The following ATP2A1 variants were observed in gnomAD, a reference collection of about 807,000 sequenced individuals.
ATP2A1 encodes sarcoplasmic/endoplasmic reticulum calcium ATPase 1.
A neutral mutation model predicts 109.5 loss-of-function variants in ATP2A1; 83 were observed. The observed-to-expected ratio is 0.76, with a 90% confidence interval of 0.63 to 0.91. ATP2A1 has a LOEUF of 0.91. ATP2A1 is among the 40% of genes least tolerant of loss of function. The pLI is 0.00. For missense variants in ATP2A1, 1,101 were observed against 1,341.0 expected (o/e 0.82, Z 2.80); for synonymous variants, 505 against 537.6 (o/e 0.94, Z 0.84).
chr16:28,900,839 T>C lies in ATP2A1; in HGVS notation c.2023T>C (p.Cys675Arg), dbSNP rs1351602310. 6.2e-7 allele frequency: 1 copy of C among 1,614,218 alleles called. No homozygotes were observed. The highest frequency in any genetic ancestry group is 1.1e-5 in the South Asian group (1 of 91,088). ...GCGGGAAGCCTGCCGACGTGCCTGCTGCTTCGCCCGTGTGGAGCCCTCGCA... is the reference window on the plus strand; with the variant it reads ...GCGGGAAGCCTGCCGACGTGCCTGCCGCTTCGCCCGTGTGGAGCCCTCGCA... The part of the protein sequence containing the change: ...EQREACRRAC[C>R]FARVEPSHKS... Residue 675 changes from cysteine to arginine, a missense_variant, in exon 15 of 23, where the codon TGC becomes CGC. By Grantham distance (180) the Cys-to-Arg change is radical (BLOSUM62 -3). Transcript: ENST00000395503.
chr16:28,897,761 C>A (rs1350779925), intron 12 of ATP2A1, among the ~76,000 whole-genome samples: 2 of 152,152 alleles, frequency 1.3e-5, no homozygotes, highest in African/African-American at 4.8e-5. Context: ...TGAGCCACCG[C>A]GCCTGGCCAA....
At position 28,884,415 on chromosome 16, in the gene ATP2A1, C is replaced by G. The variant is rs376961231; in HGVS notation, c.464-160C>G. Among the ~76,000 whole-genome samples, 5 of 152,272 alleles carry G rather than the reference C, an allele frequency of 3.3e-5. 1 individual carries two copies. Among genetic ancestry groups the G allele is most frequent in the Admixed American group, 6.5e-5 (1 of 15,302 alleles). On this transcript the variant is annotated intron_variant, in intron 5 of 22. Transcript: ENST00000395503. ...GGGTGTCACGATGAGGGGTTGCCAG[C>G]TTCAGGAGCTCAAGCCAAGGGCCTG...
At position 28,903,312 on chromosome 16, in the gene ATP2A1, C is replaced by T. The variant is rs1339999177; in HGVS notation, c.2863-11C>T. On this transcript the variant is annotated splice_polypyrimidine_tract_variant and intron_variant, in intron 20 of 22. Coordinates refer to ENST00000395503, the MANE Select transcript of ATP2A1 (RefSeq NM_004320.6). This position sits in a 1 kb window ranked among gnomAD's most constrained non-coding sequence, Gnocchi z 5.6. ...ACCCCCTCCTGAGAGGGCGCTTGTC[C>T]CCTGCCCCAGATGATCTTCAAGCTC... 15 of 1,610,260 alleles carry T rather than the reference C, an allele frequency of 9.3e-6. No individual in the cohort carries two copies. The highest frequency in any genetic ancestry group is 1.3e-5 in the Non-Finnish European group (15 of 1,176,820).
rs757196281 is a variant in ATP2A1, at chr16:28,894,276, TCACGCCCCTTCCCA to T, written c.1184+37_1184+50del. ...ACCCAGGCATCTTCTCCCCAGCTCC[TCACGCCCCTTCCCA>T]CACCCCCTTTCTCCCTGGGGCCCTC... On this transcript the variant is annotated intron_variant, in intron 10 of 22. Coordinates refer to ENST00000395503, the MANE Select transcript of ATP2A1 (RefSeq NM_004320.6). 3 of 1,592,700 alleles carry T rather than the reference TCACGCCCCTTCCCA, an allele frequency of 1.9e-6. No individual in the cohort carries two copies. The East Asian group carries it at 6.7e-5, about 36-fold the overall frequency.
Position 28,902,976 on chromosome 16 carries a change from C to T in ATP2A1, c.2745-54C>T, listed in dbSNP as rs1443111817. On this transcript the variant is annotated intron_variant, in intron 19 of 22. Transcript: ENST00000395503. This position sits in a 1 kb window ranked among gnomAD's most constrained non-coding sequence, Gnocchi z 4.8. ...GCCACTGCCCACATCCTCCACTGTG[C>T]CGCCCACCTCCTTCCTCCTCACTGT... The T allele has an allele frequency of 1.2e-6, 2 of 1,613,224 alleles. No homozygotes were observed. Among genetic ancestry groups the T allele is most frequent in the East Asian group, 2.2e-5 (1 of 44,880 alleles).
chr16:28,893,968 G>A (rs1963846554), intron 9 of ATP2A1, among the ~76,000 whole-genome samples, 187 bp from the exon 10 acceptor site: 1 of 152,050 alleles, frequency 6.6e-6, no homozygotes, highest in South Asian at 2.1e-4. Flanking sequence ...TTTTAAGGCT[G>A]TTGATAGAGA....
rs555685385 is a variant in ATP2A1 at position 28,888,977 on chromosome 16, G to A, written c.1095+24G>A. 112 of 1,613,458 alleles carry A rather than the reference G, an allele frequency of 6.9e-5. 1 individual carries two copies. The South Asian group carries it at 8.2e-4, about 12-fold the overall frequency. On this transcript the variant is annotated intron_variant, in intron 9 of 22. Coordinates refer to ENST00000395503, the MANE Select transcript of ATP2A1 (RefSeq NM_004320.6). ...AGGTCAGGAGCAGTGTGGGCAGCGC[G>A]CTCAGTCAGAAGGCTGCCTGTGGGG... is the stretch of plus-strand genomic sequence containing the variant.
intron 14 of ATP2A1, 65 bp from the exon 15 acceptor site, chr16:28,900,516 A>G (rs1964041615): frequency 1.9e-6 from 2 of 1,027,466 alleles, no homozygotes; most frequent in Non-Finnish European, 2.5e-6. Flanking sequence ...ACCCCCCACC[A>G]GCTTCCTCCA....
In ATP2A1 at chr16:28,904,269, A is replaced by T; in HGVS notation, c.*127A>T. ...ACATCTTCAGGCAGAGCTGTGGCACAGACCCCCGTCCTGTCCCCCACACCC... is the reference window on the plus strand; with the variant it reads ...ACATCTTCAGGCAGAGCTGTGGCACTGACCCCCGTCCTGTCCCCCACACCC... On this transcript the variant is annotated 3_prime_UTR_variant, in exon 23 of 23. Coordinates refer to ENST00000395503, the MANE Select transcript of ATP2A1 (RefSeq NM_004320.6). 6.2e-7 allele frequency: 1 copy of T among 1,613,206 alleles called. No homozygotes were observed. The highest frequency in any genetic ancestry group is 8.5e-7 in the Non-Finnish European group (1 of 1,179,674).
intron 14 of ATP2A1, among the ~76,000 whole-genome samples, chr16:28,900,133 A>G (rs1049183188): frequency 1.3e-5 from 2 of 151,612 alleles, no homozygotes; most frequent in Admixed American, 6.6e-5. Context: ...TTTCTCTACT[A>G]AAAATTAAAA....
intron 2 of ATP2A1, 80 bp from the exon 3 acceptor site, chr16:28,879,421 G>T: frequency 7.4e-7 from 1 of 1,346,950 alleles, no homozygotes; most frequent in Non-Finnish European, 1.1e-6. Context: ...CCCACTGCAG[G>T]CCGGAGTCCA....
chr16:28,879,976 T>G, intron 3 of ATP2A1: 1 of 1,015,702 alleles, frequency 9.8e-7, no homozygotes, highest in Non-Finnish European at 1.2e-6. Context: ...CCCGCGCCCG[T>G]CGGCGCCCCT....
At chr16:28,891,713 AC>A (rs1264717785) in intron 9 of ATP2A1, among the ~76,000 whole-genome samples, 1 of 151,196 alleles carries the variant, frequency 6.6e-6, no homozygotes, top group Non-Finnish European at 1.5e-5. Flanking sequence ...ACCAGTCTCT[AC>A]TAAAAATACA....
At chr16:28,899,424 A>C (rs1964002283) in intron 14 of ATP2A1, among the ~76,000 whole-genome samples, 1 of 151,958 alleles carries the variant, frequency 6.6e-6, no homozygotes, top group Non-Finnish European at 1.5e-5. Context: ...GCAGATCACA[A>C]GGTCAGGAGT....
At chr16:28,881,814 A>G (rs115173501) in intron 4 of ATP2A1, among the ~76,000 whole-genome samples, 206 of 151,570 alleles carry the variant, frequency 1.4e-3, no homozygotes, top group African/African-American at 4.2e-3. Context: ...AAAAAAAAAA[A>G]AGAGAGAAAT....
intron 4 of ATP2A1, 115 bp downstream of exon 4, chr16:28,881,134 C>T (rs566347908): frequency 9.4e-7 from 1 of 1,058,498 alleles, no homozygotes; most frequent in African/African-American, 1.6e-5. Flanking sequence ...TTCCTCTGGT[C>T]CTATCCCCTG....
rs757955149 is a variant in ATP2A1 at position 28,898,443 on chromosome 16, G to A, written c.1756G>A (p.Glu586Lys). 3.1e-6 allele frequency: 5 copies of A among 1,612,002 alleles called. No homozygotes were observed. The highest frequency in any genetic ancestry group is 4.2e-6 in the Non-Finnish European group (5 of 1,179,906). ...CCTGGATGACTCTGCCAGGTTCCTG[G>A]AGTATGAGGTAAGCAGCTGGGAGCC... is the stretch of plus-strand genomic sequence containing the variant. Reference protein sequence around the residue: ...MVLDDSARFLEYETDLTFVGV... With the variant: ...MVLDDSARFLKYETDLTFVGV... Residue 586 changes from glutamate to lysine, a missense_variant, in exon 14 of 23, where the codon GAG becomes AAG. Transcript: ENST00000395503. The surrounding 1 kb of genome is among the most constrained non-coding windows in gnomAD (Gnocchi z 4.0).
chr16:28,904,265 GCA>G lies in ATP2A1; in HGVS notation c.*126_*127del, dbSNP rs1964182915. 6.2e-7 allele frequency: 1 copy of G among 1,613,130 alleles called. No homozygotes were observed. Among genetic ancestry groups the G allele is most frequent in the Non-Finnish European group, 8.5e-7 (1 of 1,179,670 alleles). On this transcript the variant is annotated 3_prime_UTR_variant, in exon 23 of 23. Coordinates refer to ENST00000395503, the MANE Select transcript of ATP2A1 (RefSeq NM_004320.6). ...TGACACATCTTCAGGCAGAGCTGTG[GCA>G]CAGACCCCCGTCCTGTCCCCCACAC...
At position 28,901,989 on chromosome 16, in the gene ATP2A1, A is replaced by G. The variant is rs762985033; in HGVS notation, c.2227A>G (p.Ile743Val). ...GCTGGCTGACGACAACTTCTCCACC[A>G]TCGTAGCTGCTGTGGAGGAGGGCCG... ...MVLADDNFST[I>V]VAAVEEGRAI... Residue 743 changes from isoleucine to valine, a missense_variant, in exon 16 of 23, where the codon ATC becomes GTC. Physicochemically the swap from Ile to Val is conservative, Grantham distance 29. Transcript: ENST00000395503. 1.2e-6 allele frequency: 2 copies of G among 1,614,180 alleles called. No homozygotes were observed. The highest frequency in any genetic ancestry group is 1.1e-5 in the South Asian group (1 of 91,084).
Sources: gnomAD v4.1 joint callset for allele counts (sites outside exome capture counted in the v4.1 genomes callset) on GRCh38, gnomAD v4.1.1 for gene constraint, Gnocchi (gnomAD v3.1) non-coding constraint, MANE v1.5 for transcripts, NCBI Gene and HGNC (gene_info 2026-07-23, HGNC 2026-07-21) for gene names.